Variants in LOC400499 observed in about 807,000 individuals in gnomAD.
chr16:11,448,910 G>T, the LOC400499 span: 1 of 1,459,948 alleles, frequency 6.8e-7, no homozygotes, highest in South Asian at 1.3e-5. Flanking sequence ...GGGCCTCCTG[G>T]GTTCTTACCC....
chr16:11,427,951 G>C, the LOC400499 span, among the ~76,000 whole-genome samples: 2 of 152,136 alleles, frequency 1.3e-5, no homozygotes, highest in African/African-American at 2.4e-5. Flanking sequence ...TTACAGGAAA[G>C]GGGTCCGGAT....
the LOC400499 span, among the ~76,000 whole-genome samples, chr16:11,431,608 G>A: frequency 2.0e-3 from 308 of 152,272 alleles, 2 homozygotes; most frequent in African/African-American, 6.6e-3. Context: ...GTTTCACCAC[G>A]TTGCCCAGGC....
the LOC400499 span, among the ~76,000 whole-genome samples, chr16:11,374,613 T>C: frequency 6.6e-6 from 1 of 152,232 alleles, no homozygotes; most frequent in Non-Finnish European, 1.5e-5. Flanking sequence ...TATTTCACTT[T>C]GTATAATGTC....
At chr16:11,463,664 T>C in the LOC400499 span, among the ~76,000 whole-genome samples, 1,928 of 152,282 alleles carry the variant, frequency 0.013, 25 homozygotes, top group Admixed American at 0.027. Context: ...AATATGGATG[T>C]GTATGGATGT....
At chr16:11,462,408 A>G in the LOC400499 span, 1 of 1,323,588 alleles carries the variant, frequency 7.6e-7, no homozygotes, top group Non-Finnish European at 9.6e-7. Context: ...ATCGCTAACA[A>G]CCTTCTACAC....
At chr16:11,446,806 T>C in the LOC400499 span, 2 of 1,535,986 alleles carry the variant, frequency 1.3e-6, no homozygotes, top group Non-Finnish European at 1.7e-6. Context: ...CTCTCGGCCA[T>C]TCAGGACAAC....
At chr16:11,378,628 C>T in the LOC400499 span, among the ~76,000 whole-genome samples, 1 of 152,188 alleles carries the variant, frequency 6.6e-6, no homozygotes, top group Non-Finnish European at 1.5e-5. Context: ...TTTGCTGCAT[C>T]CCATAAGATT....
chr16:11,396,581 C>T, the LOC400499 span: 3 of 1,232,078 alleles, frequency 2.4e-6, no homozygotes, highest in African/African-American at 4.7e-5. Flanking sequence ...GAGATGCAGG[C>T]CGTGGTCTGG....
the LOC400499 span, chr16:11,383,774 T>C: frequency 8.1e-7 from 1 of 1,232,052 alleles, no homozygotes; most frequent in African/African-American, 1.6e-5. Flanking sequence ...AGGAATGGTG[T>C]AGGGTCTACC....
chr16:11,460,667 G>A, the LOC400499 span: 1 of 1,472,532 alleles, frequency 6.8e-7, no homozygotes, highest in African/African-American at 1.4e-5. Context: ...CCTCCACCAG[G>A]GCTCCAAGAG....
At chr16:11,411,171 AG>A in the LOC400499 span, 1 of 398,966 alleles carries the variant, frequency 2.5e-6, no homozygotes, top group Non-Finnish European at 4.4e-6. Flanking sequence ...CACTCCCCAG[AG>A]GGGCCTGGCC....
At chr16:11,434,924 G>T in the LOC400499 span, among the ~76,000 whole-genome samples, 2 of 152,296 alleles carry the variant, frequency 1.3e-5, no homozygotes, top group Admixed American at 1.3e-4. Flanking sequence ...AGACGGAGAC[G>T]CACATTCCTT....
the LOC400499 span, among the ~76,000 whole-genome samples, chr16:11,379,500 C>G: frequency 2.4e-4 from 36 of 152,218 alleles, 2 homozygotes; most frequent in Admixed American, 1.1e-3. Context: ...CTTTCACTTT[C>G]AACCTGTGTA....
At chr16:11,399,144 G>C in the LOC400499 span, 1 of 897,638 alleles carries the variant, frequency 1.1e-6, no homozygotes, top group Non-Finnish European at 1.3e-6. Flanking sequence ...GAGGAGACCA[G>C]ACCTGATGCC....
At chr16:11,387,127 C>T in the LOC400499 span, 3 of 1,232,320 alleles carry the variant, frequency 2.4e-6, no homozygotes, top group Non-Finnish European at 3.0e-6. Flanking sequence ...AGGGGCCCGC[C>T]AGCAGGCGGC....
At chr16:11,390,107 GGCCGACA>G in the LOC400499 span, 1 of 1,232,174 alleles carries the variant, frequency 8.1e-7, no homozygotes, top group Non-Finnish European at 1.0e-6. Flanking sequence ...CGAGTTACCT[GGCCGACA>G]GGCTGTACAG....
the LOC400499 span, among the ~76,000 whole-genome samples, chr16:11,519,466 G>A: frequency 2.1e-4 from 32 of 152,094 alleles, no homozygotes; most frequent in Non-Finnish European, 2.6e-4. Flanking sequence ...GCCGGTCACA[G>A]TGGCTCACAC....
At chr16:11,446,898 G>A in the LOC400499 span, 10 of 1,534,818 alleles carry the variant, frequency 6.5e-6, no homozygotes, top group Non-Finnish European at 8.7e-6. Flanking sequence ...GGATGGGCAG[G>A]TGCAACGGGT....
chr16:11,388,187 C>G, the LOC400499 span, among the ~76,000 whole-genome samples: 12 of 152,124 alleles, frequency 7.9e-5, no homozygotes, highest in Non-Finnish European at 1.6e-4. Context: ...TCTCTGCCAC[C>G]TGAATCCATG....
Sources: allele counts gnomAD v4.1 joint callset (sites outside exome capture counted in the v4.1 genomes callset), GRCh38; gene constraint gnomAD v4.1.1; transcripts MANE v1.5.